MAP4K5: variants seen among roughly 807,000 people sequenced by gnomAD.
The protein encoded by MAP4K5 is MAPK/ERK kinase kinase kinase 5.
Under a neutral mutation model 135.6 loss-of-function variants are expected in MAP4K5, and 82 were observed. That is an observed-to-expected ratio of 0.60 (90% CI 0.51 to 0.73). The LOEUF (loss-of-function observed/expected upper bound fraction) is 0.73. Ranked by LOEUF, MAP4K5 falls within the 30% of genes least tolerant of loss-of-function variation. MAP4K5 has a pLI of 0.00. For synonymous variants in MAP4K5, 347 were observed against 335.0 expected (o/e 1.04, Z -0.39); for missense variants, 907 against 1,010.9 (o/e 0.90, Z 1.39).
At chr14:50,435,696 T>C (rs2139674339) in intron 26 of MAP4K5, among the ~76,000 whole-genome samples, 1 of 152,222 alleles carries the variant, frequency 6.6e-6, no homozygotes, top group South Asian at 2.1e-4. Context: ...GCAACTAAAA[T>C]GCACCTCGTT....
intron 2 of MAP4K5, among the ~76,000 whole-genome samples, chr14:50,529,500 T>C (rs925540425): frequency 6.6e-6 from 1 of 152,198 alleles, no homozygotes; most frequent in Non-Finnish European, 1.5e-5. Context: ...GAGTCTGATA[T>C]TCATTCATTC....
intron 2 of MAP4K5, among the ~76,000 whole-genome samples, chr14:50,519,314 T>C (rs891526957): frequency 4.6e-5 from 7 of 152,268 alleles, no homozygotes; most frequent in Admixed American, 3.3e-4. Context: ...GTTTATCTCT[T>C]GGTAAAGGAG....
chr14:50,475,094 G>A lies in MAP4K5; in HGVS notation c.525C>T (p.Phe175=). ...TGTCTTACCAGTAAGGGGTGCCAAT[G>A]AAAGATTTTCGTTTTGCAATGGTAG... The part of the protein sequence containing the change: ...ITATIAKRKS[F]IGTPYWMAPE... Residue 175 remains phenylalanine, a synonymous_variant, in exon 9 of 33, where the codon TTC becomes TTT. Transcript: ENST00000682126. 1 of 1,613,760 alleles carries A rather than the reference G, an allele frequency of 6.2e-7. No homozygotes were observed. The highest frequency in any genetic ancestry group is 1.3e-5 in the African/African-American group (1 of 75,064).
chr14:50,492,817 T>C (rs2037512991), intron 3 of MAP4K5, among the ~76,000 whole-genome samples: 1 of 152,102 alleles, frequency 6.6e-6, no homozygotes, highest in African/African-American at 2.4e-5. Context: ...TTTTATTCCA[T>C]ATTATTGTAT....
intron 3 of MAP4K5, among the ~76,000 whole-genome samples, chr14:50,487,978 A>G (rs539057789): frequency 2.0e-4 from 30 of 152,128 alleles, no homozygotes; most frequent in Non-Finnish European, 4.3e-4. Flanking sequence ...GCAGCACATA[A>G]TTTTGTTAAT....
At chr14:50,550,895 A>G (rs1239434783) in intron 1 of MAP4K5, among the ~76,000 whole-genome samples, 1 of 152,170 alleles carries the variant, frequency 6.6e-6, no homozygotes, top group East Asian at 1.9e-4. Context: ...TACAGAAAAA[A>G]TGGTGCTAAG....
chr14:50,537,359 C>T (rs1156756146), upstream of MAP4K5, among the ~76,000 whole-genome samples: 1 of 152,214 alleles, frequency 6.6e-6, no homozygotes, highest in Non-Finnish European at 1.5e-5. Flanking sequence ...CCTGGATGTC[C>T]AGGCAGAAGT....
chr14:50,534,700 C>G (rs2038471324), upstream of MAP4K5, among the ~76,000 whole-genome samples: 1 of 152,206 alleles, frequency 6.6e-6, no homozygotes, highest in African/African-American at 2.4e-5. Flanking sequence ...AAAGTCGAGA[C>G]TCTATGTGTC....
chr14:50,560,183 C>T, intron 1 of MAP4K5: 1 of 1,560,852 alleles, frequency 6.4e-7, no homozygotes, highest in South Asian at 1.1e-5. Flanking sequence ...GGCACGGAGC[C>T]TCCCACCGCC....
chr14:50,504,349 G>T (rs1452546625), intron 3 of MAP4K5, among the ~76,000 whole-genome samples: 1 of 152,024 alleles, frequency 6.6e-6, no homozygotes, highest in African/African-American at 2.4e-5. Flanking sequence ...AATGTGTTTT[G>T]AAACAAGCAG....
intron 17 of MAP4K5, among the ~76,000 whole-genome samples, chr14:50,445,520 T>C (rs2036327161): frequency 6.6e-6 from 1 of 152,186 alleles, no homozygotes; most frequent in East Asian, 1.9e-4. Context: ...TTCCCCTCCA[T>C]GTAGTCAAAT....
intron 2 of MAP4K5, among the ~76,000 whole-genome samples, chr14:50,537,752 T>C (rs1338175848): frequency 2.0e-5 from 3 of 152,258 alleles, no homozygotes; most frequent in Non-Finnish European, 4.4e-5. Flanking sequence ...ATTTCAGACT[T>C]GCAGGGGGCC....
chr14:50,506,143 T>C (rs565013276), intron 2 of MAP4K5, among the ~76,000 whole-genome samples: 3 of 152,286 alleles, frequency 2.0e-5, no homozygotes, highest in East Asian at 3.9e-4. Context: ...TAGAAAAGTA[T>C]AGTTATACTA....
chr14:50,550,878 G>T (rs187208402), intron 1 of MAP4K5, among the ~76,000 whole-genome samples: 30 of 152,152 alleles, frequency 2.0e-4, no homozygotes, highest in Non-Finnish European at 3.5e-4. Context: ...TATCAAAACC[G>T]CTGGGATACA....
chr14:50,472,345 T>TG (rs1286733834), intron 9 of MAP4K5: 3 of 152,114 alleles, frequency 2.0e-5, no homozygotes, highest in Admixed American at 1.3e-4. Flanking sequence ...GTAAGGAATG[T>TG]GGGAAAACAT....
intron 13 of MAP4K5, among the ~76,000 whole-genome samples, chr14:50,457,425 G>A (rs1248759194): frequency 3.9e-5 from 6 of 152,072 alleles, no homozygotes; most frequent in Non-Finnish European, 1.5e-5. Flanking sequence ...TACCCACCAC[G>A]CAGAACCTCC....
chr14:50,439,443 A>G (rs1184428652), intron 23 of MAP4K5, among the ~76,000 whole-genome samples: 1 of 152,086 alleles, frequency 6.6e-6, no homozygotes, highest in Non-Finnish European at 1.5e-5. Context: ...AGAAGACCTT[A>G]AAGAATCAGT....
intron 2 of MAP4K5, among the ~76,000 whole-genome samples, chr14:50,537,683 G>A (rs989948021): frequency 1.1e-4 from 17 of 152,364 alleles, no homozygotes; most frequent in African/African-American, 4.1e-4. Context: ...TGACTTAGAT[G>A]TGAGACATGG....
intron 13 of MAP4K5, among the ~76,000 whole-genome samples, chr14:50,461,528 G>A (rs143468113): frequency 6.6e-6 from 1 of 152,174 alleles, no homozygotes; most frequent in African/African-American, 2.4e-5. Context: ...GAAAGAGACT[G>A]GTGAAAAAAT....
Sources: gnomAD v4.1 joint callset for allele counts (sites outside exome capture counted in the v4.1 genomes callset) on GRCh38, gnomAD v4.1.1 for gene constraint, MANE v1.5 for transcripts, NCBI Gene and HGNC (gene_info 2026-07-23, HGNC 2026-07-21) for gene names.